Variants in CCDC88C observed in about 807,000 individuals in gnomAD.
CCDC88C encodes protein Daple.
Under a neutral mutation model 198.8 loss-of-function variants are expected in CCDC88C, and 131 were observed. The observed-to-expected ratio is 0.66, with a 90% CI of 0.57 to 0.76. The LOEUF (loss-of-function observed/expected upper bound fraction) is 0.76, where lower values mean the gene tolerates loss of function less well. Ranked by LOEUF, CCDC88C falls within the 30% of genes least tolerant of loss-of-function variation. The probability of loss-of-function intolerance (pLI) is 0.00; values close to 1 mark genes in which losing one functional copy is unlikely to be tolerated. For synonymous variants in CCDC88C, 1,166 were observed against 1,114.7 expected, an observed-to-expected ratio of 1.05 and a Z score of -0.92; for missense variants, 2,553 against 2,631.6, an observed-to-expected ratio of 0.97 and a Z score of 0.65.
intron 2 of CCDC88C, among the ~76,000 whole-genome samples, chr14:91,410,407 C>T (rs1886734948): frequency 6.6e-6 from 1 of 152,088 alleles, no homozygotes; most frequent in Non-Finnish European, 1.5e-5. Context: ...TGCCATCTGG[C>T]TCATTCAAAG....
chr14:91,412,288 A>T (rs1886830183), intron 2 of CCDC88C, among the ~76,000 whole-genome samples: 1 of 152,194 alleles, frequency 6.6e-6, no homozygotes. Flanking sequence ...TACATTAAGG[A>T]CACGTATTAA....
At position 91,314,022 on chromosome 14, in the gene CCDC88C, C is replaced by T. The variant is rs373532637; in HGVS notation, c.1794G>A (p.Thr598=). ...VEKENKALHQ[T]VTEANGKLSQ... Reference sequence around the variant, plus strand: ...TGAGCTTGCCATTGGCCTCCGTCACCGTCTGGTGGAGGGCTTTGTTCTCCT... The same window carrying T: ...TGAGCTTGCCATTGGCCTCCGTCACTGTCTGGTGGAGGGCTTTGTTCTCCT... Residue 598 remains threonine (T), a synonymous_variant, in exon 15 of 30, where the codon ACG becomes ACA. Transcript: ENST00000389857. The T allele has an allele frequency of 7.2e-5, 117 of 1,613,798 alleles. No individual in the cohort carries two copies. The highest frequency in any genetic ancestry group is 9.3e-5 in the Non-Finnish European group (110 of 1,179,882).
At chr14:91,336,280 C>T (rs150278549) in intron 10 of CCDC88C, among the ~76,000 whole-genome samples, 27 of 152,280 alleles carry the variant, frequency 1.8e-4, no homozygotes, top group African/African-American at 6.5e-4. Flanking sequence ...ACCATGCAGG[C>T]GGGTGCTGGG....
Position 91,338,278 on chromosome 14 carries a change from TG to T in CCDC88C, c.892-116del, listed in dbSNP as rs1450614057. 4.5e-6 allele frequency: 6 copies of T among 1,337,234 alleles called. No homozygotes were observed. In the Admixed American group the frequency reaches 1.0e-4, roughly 23 times the overall value. The allele number at this position is 1,337,234 out of a possible 1,614,324, so 82.8% of individuals were successfully genotyped here. ...CGACGGCCCAGGACAAGCCAGCTCC[TG>T]GTGGCCGGGGGCCTCCATGTGCCAC... On this transcript the variant is annotated intron_variant, in intron 9 of 29. Transcript: ENST00000389857. The surrounding 1 kb of genome is among the most constrained non-coding windows in gnomAD (Gnocchi z 4.8).
At chr14:91,282,567 G>A (rs773959664) in intron 26 of CCDC88C, among the ~76,000 whole-genome samples, 1 of 151,960 alleles carries the variant, frequency 6.6e-6, no homozygotes, top group Non-Finnish European at 1.5e-5. Flanking sequence ...AGTGTCACCC[G>A]GCAAGATCTG....
intron 3 of CCDC88C, among the ~76,000 whole-genome samples, chr14:91,395,160 C>T (rs1885769571): frequency 6.6e-6 from 1 of 152,206 alleles, no homozygotes; most frequent in African/African-American, 2.4e-5. Context: ...TGTGCCTCTG[C>T]AGATGGTGAG....
At chr14:91,319,676 G>C (rs1892262706) in intron 13 of CCDC88C, among the ~76,000 whole-genome samples, 1 of 152,126 alleles carries the variant, frequency 6.6e-6, no homozygotes, top group Non-Finnish European at 1.5e-5. Flanking sequence ...CTTACTATGT[G>C]CCGAATCCGT....
chr14:91,310,477 A>C (rs546137796), intron 15 of CCDC88C, among the ~76,000 whole-genome samples: 1 of 152,238 alleles, frequency 6.6e-6, no homozygotes, highest in East Asian at 1.9e-4. Flanking sequence ...CAGTGGTGTG[A>C]TCACAGCTCA....
intron 2 of CCDC88C, among the ~76,000 whole-genome samples, chr14:91,415,761 A>G (rs1814286677): frequency 6.6e-6 from 1 of 151,528 alleles, no homozygotes; most frequent in Non-Finnish European, 1.5e-5. Flanking sequence ...ATTTTTTTCT[A>G]AACAGGCTGT....
At chr14:91,294,113 G>T in intron 23 of CCDC88C, 60 bp downstream of exon 23, 1 of 1,597,478 alleles carries the variant, frequency 6.3e-7, no homozygotes, top group South Asian at 1.1e-5. Context: ...GACCTCCAGA[G>T]ACTGAGGATG....
intron 27 of CCDC88C, chr14:91,281,244 T>A (rs1463852147): frequency 7.9e-7 from 1 of 1,272,272 alleles, no homozygotes; most frequent in South Asian, 1.3e-5. Flanking sequence ...AGAACTGTGA[T>A]GCTTGGGAGG....
chr14:91,297,485 A>G lies in CCDC88C; in HGVS notation c.3786T>C (p.Asn1262=). 6.4e-7 allele frequency: 1 copy of G among 1,555,368 alleles called. No homozygotes were observed. ...CCCCCTTCAGCTGGTGGTGCAGGAA[A>G]TTGACCCTGGAGGAGGAAGAGTCAC... ...QRLRGELDRV[N]FLHHQLKGEY... Residue 1262 remains asparagine (N), a synonymous_variant, in exon 22 of 30, where the codon AAT becomes AAC. Coordinates refer to ENST00000389857, the MANE Select transcript of CCDC88C (RefSeq NM_001080414.4).
At chr14:91,275,667 TG>T (rs1567044691) in intron 29 of CCDC88C, among the ~76,000 whole-genome samples, 1 of 147,006 alleles carries the variant, frequency 6.8e-6, no homozygotes, top group Non-Finnish European at 1.5e-5. Flanking sequence ...TTAGTAGAGA[TG>T]GGGTTTCATT....
chr14:91,312,683 A>G lies in CCDC88C; in HGVS notation c.2736+397T>C, dbSNP rs1414092138. 4.6e-5 allele frequency among the ~76,000 whole-genome samples: 7 copies of G among 152,250 alleles called. 1 individual carries two copies. The highest frequency in any genetic ancestry group is 8.8e-5 in the Non-Finnish European group (6 of 68,048). ...CTGGACGACAGTGAGACTCCGTCTCAAAAATAAATAAATAAATACATAAAC... is the reference window on the plus strand; with the variant it reads ...CTGGACGACAGTGAGACTCCGTCTCGAAAATAAATAAATAAATACATAAAC... On this transcript the variant is annotated intron_variant, in intron 15 of 29. Transcript: ENST00000389857.
chr14:91,391,214 T>C (rs1222864746), intron 3 of CCDC88C, among the ~76,000 whole-genome samples: 1 of 149,842 alleles, frequency 6.7e-6, no homozygotes, highest in Non-Finnish European at 1.5e-5. Flanking sequence ...TTTACCATCA[T>C]CCTCACAGTA....
rs905351205 is a variant in CCDC88C, at chr14:91,288,756, T to C, written c.4441+349A>G. The C allele has an allele frequency of 4.4e-5, 8 of 181,550 alleles. No homozygotes were observed. In the East Asian group the frequency reaches 1.1e-3, roughly 25 times the overall value. The allele number at this position is 181,550 out of a possible 1,614,324, so 11.2% of individuals were successfully genotyped here. A position where few individuals can be genotyped will look rare whatever the true frequency, so the allele number is the denominator to read the frequency against. ...CGTCTCTACTAAAAATACAAAAAAT[T>C]AGCCAGGCGTGGTGGTGGGCGCCTA... On this transcript the variant is annotated intron_variant, in intron 25 of 29. Transcript: ENST00000389857. This position sits in a 1 kb window ranked among gnomAD's most constrained non-coding sequence, Gnocchi z 4.2.
At position 91,417,443 on chromosome 14, in the gene CCDC88C, C is replaced by T. The variant is rs185578565; in HGVS notation, c.60+188G>A. On this transcript the variant is annotated intron_variant, in intron 1 of 29. Transcript: ENST00000389857. ...CCGCGCCGGACGCACAACGGGGGCG[C>T]CGGCTCCAGAGTTACAAAGCTCCGG... 4.3e-3 allele frequency: 2,469 copies of T among 576,612 alleles called. 6 individuals are homozygous for T. The highest frequency in any genetic ancestry group is 6.2e-3 in the Non-Finnish European group (2,068 of 331,362). The allele number at this position is 576,612 out of a possible 1,614,324, so 35.7% of individuals were successfully genotyped here.
At position 91,321,257 on chromosome 14, in the gene CCDC88C, G is replaced by C; in HGVS notation, c.1390C>G (p.Arg464Gly). The C allele has an allele frequency of 6.3e-7, 1 of 1,584,528 alleles. No individual in the cohort carries two copies. Among genetic ancestry groups the C allele is most frequent in the Non-Finnish European group, 8.6e-7 (1 of 1,164,546 alleles). The change falls in exon 13 of 30, where the codon CGC becomes GGC. Residue 464 changes from arginine to glycine, a missense_variant. This residue lies in a region of CCDC88C where 1,260 missense variants were observed against 1,412.0 expected (regional missense o/e 0.89). Coordinates refer to ENST00000389857, the MANE Select transcript of CCDC88C (RefSeq NM_001080414.4). Reference sequence around the variant, plus strand: ...TTCTCCTTCTCCAGCTTCAGGATGCGGCTGGACGCACATTCGTTCAGCTCA... The same window carrying C: ...TTCTCCTTCTCCAGCTTCAGGATGCCGCTGGACGCACATTCGTTCAGCTCA... ...VFELNECASS[R>G]ILKLEKENQS...
intron 3 of CCDC88C, among the ~76,000 whole-genome samples, chr14:91,392,785 A>ACCCCTCACTCTCACTGAG (rs1885594101): frequency 6.8e-6 from 1 of 147,314 alleles, no homozygotes. Context: ...CTCTCACTGC[A>ACCCCTCACTCTCACTGAG]CCCCTCACTC....
Sources: allele counts gnomAD v4.1 joint callset (sites outside exome capture counted in the v4.1 genomes callset), GRCh38; gene constraint gnomAD v4.1.1; regional missense constraint gnomAD v4.1.1; non-coding constraint Gnocchi (gnomAD v3.1); transcripts MANE v1.5; gene names NCBI Gene and HGNC (gene_info 2026-07-23, HGNC 2026-07-21).